Variants in NUDT4 observed in about 807,000 individuals in gnomAD.
NUDT4 encodes the protein diphosphoinositol polyphosphate phosphohydrolase 2.
In NUDT4, 5 loss-of-function variants were observed where a neutral mutation model predicts 23.1. The ratio of observed to expected loss-of-function variants is 0.22; its 90% CI spans 0.11 to 0.46. NUDT4 has a LOEUF of 0.46. Among genes scored for constraint, NUDT4 ranks in the 20% least tolerant of loss-of-function variants. NUDT4 has a pLI of 0.99. For synonymous variants in NUDT4, 50 were observed against 79.0 expected, an observed-to-expected ratio of 0.63 and a Z score of 1.95; for missense variants, 96 against 211.6, an observed-to-expected ratio of 0.45 and a Z score of 3.39.
Position 93,405,475 on chromosome 12 carries a change from G to C in NUDT4, c.*6096G>C, listed in dbSNP as rs946532065. 6.6e-6 allele frequency: 1 copy of C among 152,236 alleles called. No individual in the cohort carries two copies. Among genetic ancestry groups the C allele is most frequent in the African/African-American group, 2.4e-5 (1 of 41,454 alleles). The allele number at this position is 152,236 out of a possible 1,614,324, so 9.4% of individuals were successfully genotyped here. A position where few individuals can be genotyped will look rare whatever the true frequency, so the allele number is the denominator to read the frequency against. On this transcript the variant is annotated 3_prime_UTR_variant, in exon 5 of 5. Coordinates refer to ENST00000415493, the MANE Select transcript of NUDT4 (RefSeq NM_019094.6). ...AATGAGATCAGCTCAAGGGTGACAAGATGAAACTGGGAGAGGGCCGGGGAG... is the reference window on the plus strand; with the variant it reads ...AATGAGATCAGCTCAAGGGTGACAACATGAAACTGGGAGAGGGCCGGGGAG...
At position 93,394,630 on chromosome 12, in the gene NUDT4, C is replaced by T. The variant is rs1448140088; in HGVS notation, c.121C>T (p.Arg41Trp). 4.5e-6 allele frequency: 7 copies of T among 1,553,012 alleles called. No individual in the cohort carries two copies. The highest frequency in any genetic ancestry group is 6.1e-6 in the Non-Finnish European group (7 of 1,147,358). ...ACAGGTGCTGCTGGTGAGTAGCAGCCGGTACCCAGACCAGTGGATTGTCCC... is the reference window on the plus strand; with the variant it reads ...ACAGGTGCTGCTGGTGAGTAGCAGCTGGTACCCAGACCAGTGGATTGTCCC... ...EDEVLLVSSS[R>W]YPDQWIVPGG... Residue 41 changes from arginine (R) to tryptophan (W), a missense_variant, in exon 2 of 5, where the codon CGG becomes TGG. Coordinates refer to ENST00000415493, the MANE Select transcript of NUDT4 (RefSeq NM_019094.6).
intron 1 of NUDT4, among the ~76,000 whole-genome samples, chr12:93,388,001 T>C (rs11107007): frequency 0.29 from 43,345 of 151,856 alleles, 6,765 homozygotes; most frequent in East Asian, 0.62. Flanking sequence ...ATTTGAACAC[T>C]CAAATGAACT....
At chr12:93,395,418 A>T in intron 2 of NUDT4, 71 bp from the exon 3 acceptor site, 1 of 1,054,636 alleles carries the variant, frequency 9.5e-7, no homozygotes, top group Non-Finnish European at 1.5e-6. Flanking sequence ...AAATAGCCAG[A>T]GTGTAACTTG....
At chr12:93,386,765 C>T (rs147185345) in intron 1 of NUDT4, among the ~76,000 whole-genome samples, 9 of 152,142 alleles carry the variant, frequency 5.9e-5, no homozygotes, top group African/African-American at 2.2e-4. Context: ...TTTCATCATT[C>T]TCAAATTTTT....
chr12:93,398,353 A>G (rs916015918), intron 3 of NUDT4, among the ~76,000 whole-genome samples: 10 of 150,226 alleles, frequency 6.7e-5, no homozygotes, highest in Non-Finnish European at 1.0e-4. Context: ...AAAAAAAAAA[A>G]AAAAAAGAAA....
chr12:93,403,487 T>TA lies in NUDT4; in HGVS notation c.*4108_*4109insA, dbSNP rs1877618188. ...GCGCCTGCCACCACGCCCGGCTAAT[T>TA]TTTTTGTATTTTTAGTAGAGACGGG... On this transcript the variant is annotated 3_prime_UTR_variant, in exon 5 of 5. Transcript: ENST00000415493. The TA allele has an allele frequency of 6.6e-6, 1 of 151,940 alleles. No individual in the cohort carries two copies. The highest frequency in any genetic ancestry group is 2.4e-5 in the African/African-American group (1 of 41,320). The allele number at this position is 151,940 out of a possible 1,614,324, so 9.4% of individuals were successfully genotyped here.
At chr12:93,392,919 G>A (rs2120933249) in intron 1 of NUDT4, among the ~76,000 whole-genome samples, 1 of 136,508 alleles carries the variant, frequency 7.3e-6, no homozygotes, top group Non-Finnish European at 1.6e-5. Flanking sequence ...GACCTCAGGT[G>A]ATCTGCCCAC....
chr12:93,385,919 TATA>T (rs1876026814), intron 1 of NUDT4, among the ~76,000 whole-genome samples: 1 of 109,952 alleles, frequency 9.1e-6, no homozygotes, highest in East Asian at 6.1e-4. Flanking sequence ...AGATTTTATA[TATA>T]TATATATAGT....
chr12:93,386,215 C>T (rs1387623766), intron 1 of NUDT4, among the ~76,000 whole-genome samples: 2 of 151,790 alleles, frequency 1.3e-5, no homozygotes, highest in Non-Finnish European at 2.9e-5. Context: ...AGACTCAGTC[C>T]GCCTGCCTTG....
chr12:93,378,268 CG>C lies in NUDT4; in HGVS notation c.-52del. ...CACTCCCCGGCGGGGTGGCGGCGGC[CG>C]GGCCCCCACGGCGGCGGCCGGAGCA... On this transcript the variant is annotated 5_prime_UTR_variant, in exon 1 of 5. Coordinates refer to ENST00000415493, the MANE Select transcript of NUDT4 (RefSeq NM_019094.6). The C allele has an allele frequency of 1.4e-6, 1 of 716,262 alleles. No homozygotes were observed. The highest frequency in any genetic ancestry group is 1.9e-6 in the Non-Finnish European group (1 of 520,686). The allele number at this position is 716,262 out of a possible 1,614,324, so 44.4% of individuals were successfully genotyped here.
chr12:93,390,122 T>G (rs1334633423), intron 1 of NUDT4, among the ~76,000 whole-genome samples: 1 of 152,226 alleles, frequency 6.6e-6, no homozygotes, highest in Non-Finnish European at 1.5e-5. Flanking sequence ...TACTATTTAC[T>G]AAGTGATGAT....
chr12:93,396,770 G>A (rs551280726), intron 3 of NUDT4, among the ~76,000 whole-genome samples: 51 of 152,188 alleles, frequency 3.4e-4, no homozygotes, highest in Admixed American at 7.2e-4. Flanking sequence ...AAAATTAGCC[G>A]GGCATGGTGA....
intron 1 of NUDT4, among the ~76,000 whole-genome samples, chr12:93,380,645 G>A (rs1875595659): frequency 6.6e-6 from 1 of 152,196 alleles, no homozygotes; most frequent in Admixed American, 6.5e-5. Flanking sequence ...ATCTGGTTTA[G>A]CTCTTCAGAA....
In NUDT4 at chr12:93,406,301, A is replaced by AAAAAAAAAAAAC. The variant is rs1877813147; in HGVS notation, c.*6926_*6927insAAAAAAACAAAA. ...AAAAAAAAAAAAAAAAAAAAAAAAA[A>AAAAAAAAAAAAC]AAAAGGTTCCTGAACCATTCAACAG... On this transcript the variant is annotated 3_prime_UTR_variant, in exon 5 of 5. Coordinates refer to ENST00000415493, the MANE Select transcript of NUDT4 (RefSeq NM_019094.6). The AAAAAAAAAAAAC allele has an allele frequency of 6.8e-6, 1 of 147,132 alleles. No homozygotes were observed. The highest frequency in any genetic ancestry group is 2.6e-5 in the African/African-American group (1 of 38,974). The allele number at this position is 147,132 out of a possible 1,614,324, so 9.1% of individuals were successfully genotyped here. A position where few individuals can be genotyped will look rare whatever the true frequency, so the allele number is the denominator to read the frequency against.
intron 1 of NUDT4, among the ~76,000 whole-genome samples, chr12:93,382,264 C>CAAAAAAAAAAAAAAAAAAA (rs61019568): frequency 8.8e-6 from 1 of 113,470 alleles, no homozygotes; most frequent in Non-Finnish European, 1.8e-5. Flanking sequence ...ACCCTGCCTG[C>CAAAAAAAAAAAAAAAAAAA]AAAAAAAAAA....
In NUDT4 at chr12:93,378,255, G is replaced by T. The variant is rs1188485960; in HGVS notation, c.-68G>T. ...TCGCCCTCGCCCCCACTCCCCGGCG[G>T]GGTGGCGGCGGCCGGGCCCCCACGG... On this transcript the variant is annotated 5_prime_UTR_variant, in exon 1 of 5. Transcript: ENST00000415493. The T allele has an allele frequency of 4.6e-6, 3 of 646,716 alleles. No homozygotes were observed. The highest frequency in any genetic ancestry group is 4.8e-6 in the Non-Finnish European group (2 of 418,894). The allele number at this position is 646,716 out of a possible 1,614,324, so 40.1% of individuals were successfully genotyped here.
chr12:93,381,392 T>C lies in NUDT4; in HGVS notation c.99+2971T>C, dbSNP rs112720298. On this transcript the variant is annotated intron_variant, in intron 1 of 4. Coordinates refer to ENST00000415493, the MANE Select transcript of NUDT4 (RefSeq NM_019094.6). ...GTAGAGTAGCTGGGTACTGTGCTTG[T>C]ACAGTGAAAGATGACAATGCTTTTA... 5.9e-3 allele frequency among the ~76,000 whole-genome samples: 892 copies of C among 152,344 alleles called. 6 individuals are homozygous for C. Among genetic ancestry groups the C allele is most frequent in the Non-Finnish European group, 7.8e-3 (533 of 68,028 alleles).
chr12:93,385,943 A>AAATCTTTT (rs1876043767), intron 1 of NUDT4, among the ~76,000 whole-genome samples: 3 of 27,454 alleles, frequency 1.1e-4, no homozygotes, highest in African/African-American at 3.3e-4. Flanking sequence ...AAATCTTTTT[A>AAATCTTTT]TATATATATA....
chr12:93,387,674 A>G (rs144650149), intron 1 of NUDT4, among the ~76,000 whole-genome samples: 13 of 152,194 alleles, frequency 8.5e-5, no homozygotes, highest in African/African-American at 3.1e-4. Flanking sequence ...ACTTTTTTTC[A>G]TCTGTACTGG....
Sources: allele counts gnomAD v4.1 joint callset (sites outside exome capture counted in the v4.1 genomes callset), GRCh38; gene constraint gnomAD v4.1.1; transcripts MANE v1.5; gene names NCBI Gene and HGNC (gene_info 2026-07-23, HGNC 2026-07-21).